The following RPRD2 variants were observed in gnomAD, a reference collection of about 807,000 sequenced individuals.
RPRD2 encodes the protein regulation of nuclear pre-mRNA domain containing 2, also known as regulation of nuclear pre-mRNA domain-containing protein 2.
Under a neutral mutation model 104.4 loss-of-function variants are expected in RPRD2, and 12 were observed. The ratio of observed to expected loss-of-function variants is 0.11; its 90% CI spans 0.07 to 0.19. The LOEUF (loss-of-function observed/expected upper bound fraction) is 0.19, where lower values mean the gene tolerates loss of function less well. RPRD2 is among the 10% of genes least tolerant of loss of function. The probability of loss-of-function intolerance (pLI) is 1.00; values close to 1 mark genes in which losing one functional copy is unlikely to be tolerated. For missense variants in RPRD2, 1,543 were observed against 1,790.1 expected, an observed-to-expected ratio of 0.86 and a Z score of 2.49; for synonymous variants, 714 against 684.9, an observed-to-expected ratio of 1.04 and a Z score of -0.66.
chr1:150,381,454 C>G (rs988447495), intron 1 of RPRD2, among the ~76,000 whole-genome samples: 1 of 151,772 alleles, frequency 6.6e-6, no homozygotes, highest in Non-Finnish European at 1.5e-5. Context: ...ATGAATCTTC[C>G]TTAAGTGTGA....
At chr1:150,418,435 C>T (rs1239005536) in intron 2 of RPRD2, among the ~76,000 whole-genome samples, 5 of 152,086 alleles carry the variant, frequency 3.3e-5, no homozygotes, top group African/African-American at 9.7e-5. Context: ...CTTTCTGAGT[C>T]TTACTGAAAT....
rs587767325 is a variant in RPRD2, at chr1:150,382,179, A to T, written c.205+17260A>T. ...GCGTACTCTATGTGAAATGTTTATT[A>T]AGGTTAATAATGTAAAGGAGTGGAC... On this transcript the variant is annotated intron_variant, in intron 1 of 10. Coordinates refer to ENST00000369068, the MANE Select transcript of RPRD2 (RefSeq NM_015203.5). Among the ~76,000 whole-genome samples the T allele has an allele frequency of 2.0e-5, 3 of 152,222 alleles. No homozygotes were observed. In the East Asian group the frequency reaches 5.8e-4, roughly 29 times the overall value.
intron 1 of RPRD2, among the ~76,000 whole-genome samples, chr1:150,368,604 C>T (rs1553877627): frequency 6.6e-6 from 1 of 151,926 alleles, no homozygotes; most frequent in Non-Finnish European, 1.5e-5. Flanking sequence ...GCTGGAATTA[C>T]AGGCATGCGC....
At position 150,384,450 on chromosome 1, in the gene RPRD2, C is replaced by T. The variant is rs868955854; in HGVS notation, c.205+19531C>T. 1.1e-3 allele frequency among the ~76,000 whole-genome samples: 152 copies of T among 132,330 alleles called. 3 individuals are homozygous for T. The highest frequency in any genetic ancestry group is 9.0e-3 in the East Asian group (41 of 4,576). 86.8% of individuals were successfully genotyped at this position (132,330 alleles called of 152,430 possible). ...CAGAAGGAATAAAAGGCATCATCAT[C>T]ATTATTATTATTATTATTATTATTA... On this transcript the variant is annotated intron_variant, in intron 1 of 10. Transcript: ENST00000369068.
Position 150,441,920 on chromosome 1 carries a change from T to C in RPRD2, c.476T>C (p.Leu159Pro). The part of the protein sequence containing the change: ...FKTQKQLKEN[L>P]NKQPNKQWKK... ...ACTCAGAAGCAGCTGAAAGAAAATC[T>C]GAACAAACAACCGAATAAGCAGTGG... The change falls in exon 4 of 11, where the codon CTG becomes CCG. Residue 159 changes from leucine (L) to proline (P), a missense_variant. By Grantham distance (98) the Leu-to-Pro change is moderately conservative. This residue lies in a region of RPRD2 where 572 missense variants were observed against 787.3 expected (regional missense o/e 0.73). Coordinates refer to ENST00000369068, the MANE Select transcript of RPRD2 (RefSeq NM_015203.5). 1 of 1,613,072 alleles carries C rather than the reference T, an allele frequency of 6.2e-7. No homozygotes were observed. The highest frequency in any genetic ancestry group is 8.5e-7 in the Non-Finnish European group (1 of 1,179,574).
intron 1 of RPRD2, among the ~76,000 whole-genome samples, chr1:150,385,456 A>C (rs1661494465): frequency 6.6e-6 from 1 of 152,264 alleles, no homozygotes; most frequent in African/African-American, 2.4e-5. Context: ...CCTCGGCGGC[A>C]AAGCAAGATC....
intron 7 of RPRD2, among the ~76,000 whole-genome samples, chr1:150,451,271 GT>G (rs1553896514): frequency 6.6e-6 from 1 of 152,138 alleles, no homozygotes; most frequent in African/African-American, 2.4e-5. Context: ...TGGCACACAA[GT>G]TTGGTTTATC....
chr1:150,372,494 C>CACACAG (rs1553878622), intron 1 of RPRD2, among the ~76,000 whole-genome samples: 1 of 95,582 alleles, frequency 1.0e-5, no homozygotes, highest in Non-Finnish European at 2.4e-5. Flanking sequence ...AAGAAACACA[C>CACACAG]ACACACACAC....
chr1:150,473,556 T>TAAA lies in RPRD2; in HGVS notation c.*243_*245dup, dbSNP rs61486244. Reference sequence around the variant, plus strand: ...TCTACCTTCCCCAAGTTGTTTGTATTAAAAAAAAAAAAAAAAAAAAAAAGT... The same window carrying TAAA: ...TCTACCTTCCCCAAGTTGTTTGTATTAAAAAAAAAAAAAAAAAAAAAAAAAAGT... On this transcript the variant is annotated 3_prime_UTR_variant, in exon 11 of 11. Transcript: ENST00000369068. 6.1e-5 allele frequency: 6 copies of TAAA among 98,382 alleles called. No homozygotes were observed. The highest frequency in any genetic ancestry group is 3.0e-4 in the South Asian group (1 of 3,308). 6.1% of individuals were successfully genotyped at this position (98,382 alleles called of 1,614,324 possible). A position where few individuals can be genotyped will look rare whatever the true frequency, so the allele number is the denominator to read the frequency against.
chr1:150,448,435 A>G (rs1666940689), intron 7 of RPRD2, among the ~76,000 whole-genome samples: 1 of 152,010 alleles, frequency 6.6e-6, no homozygotes, highest in Non-Finnish European at 1.5e-5. Flanking sequence ...TCTCAAAGTG[A>G]TGGGACCATA....
chr1:150,426,319 G>A lies in RPRD2; in HGVS notation c.335+8594G>A, dbSNP rs1401007593. Among the ~76,000 whole-genome samples, 4 of 152,244 alleles carry A rather than the reference G, an allele frequency of 2.6e-5. No homozygotes were observed. In the East Asian group the frequency reaches 5.8e-4, roughly 22 times the overall value. On this transcript the variant is annotated intron_variant, in intron 2 of 10. Transcript: ENST00000369068. ...GCAGCAGAGCTTAGAGGTTAAAAAT[G>A]CAAGGTTTGGAGTCAAACTTGCAAG...
chr1:150,450,434 G>A (rs1163976821), intron 7 of RPRD2, among the ~76,000 whole-genome samples: 2 of 151,118 alleles, frequency 1.3e-5, no homozygotes, highest in East Asian at 2.0e-4. Context: ...GTGAAACCCC[G>A]TCTCTACTAA....
At chr1:150,402,457 C>T (rs1289265274) in intron 1 of RPRD2, among the ~76,000 whole-genome samples, 7 of 151,730 alleles carry the variant, frequency 4.6e-5, no homozygotes, top group African/African-American at 1.7e-4. Context: ...ATGGGAGGAT[C>T]GCTTGACCCC....
intron 2 of RPRD2, among the ~76,000 whole-genome samples, chr1:150,431,514 C>CTTTTT (rs1553891745): frequency 4.2e-5 from 3 of 71,776 alleles, no homozygotes; most frequent in African/African-American, 1.2e-4. Flanking sequence ...GGGTTTTGTC[C>CTTTTT]TTGTTGCCCT....
intron 2 of RPRD2, among the ~76,000 whole-genome samples, chr1:150,438,261 G>A (rs782225259): frequency 6.6e-6 from 1 of 152,060 alleles, no homozygotes; most frequent in African/African-American, 2.4e-5. Context: ...CTGCACTCCG[G>A]CCTGGGCGAC....
intron 10 of RPRD2, among the ~76,000 whole-genome samples, chr1:150,467,396 C>T (rs587677544): frequency 6.6e-5 from 10 of 152,058 alleles, no homozygotes; most frequent in African/African-American, 1.2e-4. Flanking sequence ...GTTTTTGAGA[C>T]GGGGACTTGC....
chr1:150,440,495 TAGAA>T (rs587619382), intron 2 of RPRD2, among the ~76,000 whole-genome samples: 38 of 152,368 alleles, frequency 2.5e-4, no homozygotes, highest in Admixed American at 1.1e-3. Context: ...AATAGTTTTT[TAGAA>T]AACATGTTAC....
chr1:150,379,890 C>G (rs1553880414), intron 1 of RPRD2, among the ~76,000 whole-genome samples: 1 of 152,208 alleles, frequency 6.6e-6, no homozygotes, highest in East Asian at 1.9e-4. Flanking sequence ...AAACATAACT[C>G]TTTGAGGTCC....
intron 1 of RPRD2, among the ~76,000 whole-genome samples, chr1:150,381,962 G>A (rs1017498635): frequency 5.3e-5 from 8 of 152,098 alleles, no homozygotes; most frequent in Non-Finnish European, 1.0e-4. Flanking sequence ...GATAATAATT[G>A]TATAGCTCAC....
Sources: allele counts gnomAD v4.1 joint callset (sites outside exome capture counted in the v4.1 genomes callset), GRCh38; gene constraint gnomAD v4.1.1; regional missense constraint gnomAD v4.1.1; transcripts MANE v1.5; gene names NCBI Gene and HGNC (gene_info 2026-07-23, HGNC 2026-07-21).